The following ZNF644 variants were observed in gnomAD, a reference collection of about 807,000 sequenced individuals.
ZNF644 encodes zinc finger motif enhancer binding protein 2.
ZNF644 carries 20 observed loss-of-function variants against 108.0 expected under a neutral mutation model. The observed-to-expected ratio is 0.19, with a 90% CI of 0.13 to 0.27. ZNF644 has a LOEUF of 0.27. ZNF644 is among the 10% of genes least tolerant of loss of function. The probability of loss-of-function intolerance (pLI) is 1.00; values close to 1 mark genes in which losing one functional copy is unlikely to be tolerated. For missense variants in ZNF644, 1,338 were observed against 1,548.9 expected (o/e 0.86, Z 2.29); for synonymous variants, 542 against 539.1 (o/e 1.01, Z -0.08).
chr1:90,935,372 T>G, intron 4 of ZNF644: 1 of 985,806 alleles, frequency 1.0e-6, no homozygotes, highest in Non-Finnish European at 1.2e-6. Flanking sequence ...GTGTATTGTA[T>G]CAAACAGACT....
chr1:91,017,820 G>A (rs1344084392), intron 1 of ZNF644, among the ~76,000 whole-genome samples: 1 of 152,090 alleles, frequency 6.6e-6, no homozygotes, highest in Non-Finnish European at 1.5e-5. Flanking sequence ...ACATTAGCCA[G>A]GTGTGGTGGC....
intron 2 of ZNF644, among the ~76,000 whole-genome samples, chr1:90,962,977 C>T (rs1213011613): frequency 6.6e-6 from 1 of 152,056 alleles, no homozygotes; most frequent in East Asian, 1.9e-4. Flanking sequence ...TAAGACCTTC[C>T]TTTCATTAAC....
intron 2 of ZNF644, among the ~76,000 whole-genome samples, chr1:90,965,461 A>T (rs1251507930): frequency 6.6e-6 from 1 of 152,128 alleles, no homozygotes; most frequent in Non-Finnish European, 1.5e-5. Flanking sequence ...TAAAGACCCT[A>T]TATTTCCAAG....
At chr1:91,008,507 C>A (rs927409069) in intron 1 of ZNF644, among the ~76,000 whole-genome samples, 3 of 152,202 alleles carry the variant, frequency 2.0e-5, no homozygotes, top group African/African-American at 7.2e-5. Context: ...CTTAAGCAAG[C>A]AATTCAGAGC....
chr1:90,989,470 A>G (rs1393576935), intron 1 of ZNF644, among the ~76,000 whole-genome samples: 1 of 152,142 alleles, frequency 6.6e-6, no homozygotes, highest in Non-Finnish European at 1.5e-5. Flanking sequence ...TTGAACCTGG[A>G]AGGTCAAAGC....
At chr1:91,013,887 C>T (rs1273764383) in intron 1 of ZNF644, among the ~76,000 whole-genome samples, 1 of 152,096 alleles carries the variant, frequency 6.6e-6, no homozygotes, top group African/African-American at 2.4e-5. Context: ...TATTTAGATA[C>T]TGGGTTAAAT....
At chr1:90,972,555 G>A (rs1285191666) in intron 2 of ZNF644, among the ~76,000 whole-genome samples, 1 of 152,158 alleles carries the variant, frequency 6.6e-6, no homozygotes, top group African/African-American at 2.4e-5. Flanking sequence ...GAAAACTATG[G>A]TGGCTCCTCA....
At chr1:91,012,259 G>C (rs1187886996) in intron 1 of ZNF644, among the ~76,000 whole-genome samples, 1 of 148,166 alleles carries the variant, frequency 6.7e-6, no homozygotes, top group East Asian at 2.0e-4. Context: ...AAGAAGTTTA[G>C]AAACAAAAAC....
intron 4 of ZNF644, among the ~76,000 whole-genome samples, chr1:90,928,485 T>C (rs1332551982): frequency 1.3e-5 from 2 of 151,498 alleles, no homozygotes; most frequent in Non-Finnish European, 2.9e-5. Context: ...GCCTGGCTAG[T>C]TCTTTGTATT....
Position 90,939,661 on chromosome 1 carries a change from T to C in ZNF644, c.1693A>G (p.Lys565Glu). The change falls in exon 3 of 6, where the codon AAA (lysine) becomes GAA (glutamate). Residue 565 changes from lysine (K) to glutamate (E), a missense_variant. By Grantham distance (56) the Lys-to-Glu change is moderately conservative (BLOSUM62 1). This residue lies in a region of ZNF644 where 462 missense variants were observed against 472.6 expected (regional missense o/e 0.98). Coordinates refer to ENST00000337393, the MANE Select transcript of ZNF644 (RefSeq NM_201269.3). ...PMVTSDIAQR[K>E]TQKKTFMKDS... Reference sequence around the variant, plus strand: ...TTCATGAAAGTCTTTTTTTGTGTTTTTCTCTGGGCAATATCAGAAGTGACC... The same window carrying C: ...TTCATGAAAGTCTTTTTTTGTGTTTCTCTCTGGGCAATATCAGAAGTGACC... The C allele has an allele frequency of 6.2e-7, 1 of 1,614,020 alleles. No homozygotes were observed. The highest frequency in any genetic ancestry group is 8.5e-7 in the Non-Finnish European group (1 of 1,179,936).
chr1:91,000,900 T>C (rs1046889339), intron 1 of ZNF644, among the ~76,000 whole-genome samples: 4 of 152,120 alleles, frequency 2.6e-5, no homozygotes, highest in Non-Finnish European at 5.9e-5. Flanking sequence ...GAGAATACTA[T>C]AAACACCTCT....
intron 1 of ZNF644, among the ~76,000 whole-genome samples, chr1:90,998,727 G>A (rs1417419007): frequency 1.3e-5 from 2 of 152,302 alleles, no homozygotes; most frequent in African/African-American, 4.8e-5. Flanking sequence ...GAGAGAAGAA[G>A]GCTTCAGACA....
chr1:91,003,553 G>GAT (rs1352125388), intron 1 of ZNF644, among the ~76,000 whole-genome samples: 1 of 151,904 alleles, frequency 6.6e-6, no homozygotes, highest in Non-Finnish European at 1.5e-5. Context: ...CTGGGGGAGG[G>GAT]ATAGCATTAG....
At chr1:91,009,595 C>G (rs187487998) in intron 1 of ZNF644, among the ~76,000 whole-genome samples, 1 of 152,232 alleles carries the variant, frequency 6.6e-6, no homozygotes, top group Non-Finnish European at 1.5e-5. Context: ...TTCCTGCCAG[C>G]TCCAATACAA....
intron 4 of ZNF644, among the ~76,000 whole-genome samples, chr1:90,922,721 T>C (rs1458907783): frequency 6.6e-6 from 1 of 152,024 alleles, no homozygotes; most frequent in African/African-American, 2.4e-5. Context: ...TAGTTTTTTT[T>C]ATTATCTCCC....
intron 1 of ZNF644, among the ~76,000 whole-genome samples, chr1:91,000,507 C>T (rs982354601): frequency 1.3e-5 from 2 of 151,932 alleles, no homozygotes; most frequent in Non-Finnish European, 2.9e-5. Context: ...AAAGACACAA[C>T]ACACCAGAAT....
Position 90,940,568 on chromosome 1 carries a change from T to C in ZNF644, c.786A>G (p.Gln262=), listed in dbSNP as rs759220470. The C allele has an allele frequency of 6.2e-7, 1 of 1,614,050 alleles. No homozygotes were observed. The highest frequency in any genetic ancestry group is 8.5e-7 in the Non-Finnish European group (1 of 1,179,960). ...TCATAAGAAATTGAATGAACTCTTTTTGGGGATCCCAGTTTGTATCATTTT... is the reference window on the plus strand; with the variant it reads ...TCATAAGAAATTGAATGAACTCTTTCTGGGGATCCCAGTTTGTATCATTTT... ...RSENDTNWDP[Q]KEFIQFLMTN... Residue 262 remains glutamine (Q), a synonymous_variant, in exon 3 of 6, where the codon CAA becomes CAG. Transcript: ENST00000337393.
At chr1:90,917,210 CATT>C (rs1298323168) in intron 5 of ZNF644, among the ~76,000 whole-genome samples, 1 of 151,372 alleles carries the variant, frequency 6.6e-6, no homozygotes, top group African/African-American at 2.4e-5. Flanking sequence ...TAGGTGGGAG[CATT>C]ATTATTTTAA....
In ZNF644 at chr1:90,941,238, T is replaced by G. The variant is rs372538838; in HGVS notation, c.116A>C (p.Lys39Thr). Residue 39 changes from lysine to threonine, a missense_variant, in exon 3 of 6, where the codon AAA becomes ACA. This residue lies in a region of ZNF644 where 464 missense variants were observed against 457.9 expected (regional missense o/e 1.01). Transcript: ENST00000337393. Reference protein sequence around the residue: ...LKINTDITGAKEELLDDNNFI... With the variant: ...LKINTDITGATEELLDDNNFI... ...ATTGTTGTCATCTAGGAGTTCTTCT[T>G]TAGCACCAGTAATATCGGTGTTTAT... The G allele has an allele frequency of 4.0e-5, 64 of 1,603,526 alleles. No homozygotes were observed. Among genetic ancestry groups the G allele is most frequent in the Non-Finnish European group, 4.8e-5 (56 of 1,177,024 alleles).
Sources: allele counts gnomAD v4.1 joint callset (sites outside exome capture counted in the v4.1 genomes callset), GRCh38; gene constraint gnomAD v4.1.1; regional missense constraint gnomAD v4.1.1; transcripts MANE v1.5; gene names NCBI Gene and HGNC (gene_info 2026-07-23, HGNC 2026-07-21).